USP47: variants seen among roughly 807,000 people sequenced by gnomAD.
USP47 encodes ubiquitin specific peptidase 47, also known as ubiquitin carboxyl-terminal hydrolase 47.
Under a neutral mutation model 165.1 loss-of-function variants are expected in USP47, and 35 were observed. The observed-to-expected ratio is 0.21, with a 90% confidence interval of 0.16 to 0.28. USP47 has a LOEUF of 0.28. USP47 is among the 10% of genes least tolerant of loss of function. USP47 has a pLI of 1.00. For missense variants in USP47, 1,277 were observed against 1,607.4 expected (o/e 0.79, Z 3.52); for synonymous variants, 531 against 544.5 (o/e 0.98, Z 0.35).
chr11:11,935,962 T>C (rs2134726785), intron 16 of USP47, among the ~76,000 whole-genome samples: 1 of 152,118 alleles, frequency 6.6e-6, no homozygotes, highest in African/African-American at 2.4e-5. Flanking sequence ...GTTGTTTTCC[T>C]CTGTGTTTCC....
At chr11:11,938,698 G>A (rs1400726880) in intron 18 of USP47, among the ~76,000 whole-genome samples, 3 of 151,940 alleles carry the variant, frequency 2.0e-5, no homozygotes, top group African/African-American at 4.8e-5. Flanking sequence ...GCAATAAGTC[G>A]AGTTTTTGTT....
intron 16 of USP47, among the ~76,000 whole-genome samples, chr11:11,934,596 G>A (rs1302725371): frequency 6.6e-6 from 1 of 152,126 alleles, no homozygotes; most frequent in East Asian, 1.9e-4. Flanking sequence ...GAGGTGAGGA[G>A]ATGCTTGGCA....
intron 1 of USP47, among the ~76,000 whole-genome samples, chr11:11,845,812 G>A (rs181067348): frequency 1.6e-3 from 244 of 152,260 alleles, no homozygotes; most frequent in Non-Finnish European, 2.9e-3. Context: ...TAAAATCTTT[G>A]TCTTAGAAGA....
chr11:11,877,999 C>T (rs910446624), intron 1 of USP47, among the ~76,000 whole-genome samples: 7 of 151,646 alleles, frequency 4.6e-5, no homozygotes, highest in Non-Finnish European at 1.0e-4. Flanking sequence ...TTTATATGTA[C>T]GGAAAAGAAG....
At position 11,955,180 on chromosome 11, in the gene USP47, T is replaced by C. The variant is rs777685383; in HGVS notation, c.3893+16T>C. 1.9e-6 allele frequency: 3 copies of C among 1,605,474 alleles called. No individual in the cohort carries two copies. Among genetic ancestry groups the C allele is most frequent in the South Asian group, 2.2e-5 (2 of 89,278 alleles). ...TATTTTATAGGTAACATTCACAATGTTTTTGTTGCTGTTAGTAATACATTT... is the reference window on the plus strand; with the variant it reads ...TATTTTATAGGTAACATTCACAATGCTTTTGTTGCTGTTAGTAATACATTT... On this transcript the variant is annotated intron_variant, in intron 27 of 27. Coordinates refer to ENST00000527733, the MANE Select transcript of USP47 (RefSeq NM_001282659.2).
Position 11,902,878 on chromosome 11 carries a change from A to G in USP47, c.739+18A>G. On this transcript the variant is annotated intron_variant, in intron 6 of 27. Transcript: ENST00000527733. Reference sequence around the variant, plus strand: ...TAGTGAGGGTACTAATTCTCTTGTAATGATAAGCGTTCTAATATTCAAACA... The same window carrying G: ...TAGTGAGGGTACTAATTCTCTTGTAGTGATAAGCGTTCTAATATTCAAACA... 6.5e-7 allele frequency: 1 copy of G among 1,539,462 alleles called. No individual in the cohort carries two copies. Among genetic ancestry groups the G allele is most frequent in the Non-Finnish European group, 8.7e-7 (1 of 1,147,926 alleles).
intron 8 of USP47, among the ~76,000 whole-genome samples, chr11:11,912,210 A>G (rs1390138608): frequency 6.6e-6 from 1 of 151,884 alleles, no homozygotes; most frequent in Non-Finnish European, 1.5e-5. Flanking sequence ...GGAAGGACAT[A>G]ATAAAGAAAA....
In USP47 at chr11:11,860,062, C is replaced by T. The variant is rs187286498; in HGVS notation, c.39+17838C>T. On this transcript the variant is annotated intron_variant, in intron 1 of 27. Coordinates refer to ENST00000527733, the MANE Select transcript of USP47 (RefSeq NM_001282659.2). Reference sequence around the variant, plus strand: ...TAGGCTGCAGTGAGCCAAGATCGCGCCACTGCACTCCAGCCTGGGCAACAG... The same window carrying T: ...TAGGCTGCAGTGAGCCAAGATCGCGTCACTGCACTCCAGCCTGGGCAACAG... Among the ~76,000 whole-genome samples, 170 of 150,468 alleles carry T rather than the reference C, an allele frequency of 1.1e-3. 3 individuals carry two copies. In the East Asian group the frequency reaches 0.032, roughly 29 times the overall value.
chr11:11,907,662 C>A (rs774199340), intron 8 of USP47, among the ~76,000 whole-genome samples: 1 of 151,964 alleles, frequency 6.6e-6, no homozygotes, highest in Non-Finnish European at 1.5e-5. Flanking sequence ...TTATGGATTG[C>A]AAAAATCTGG....
chr11:11,858,958 G>T (rs1029001830), intron 1 of USP47, among the ~76,000 whole-genome samples: 25 of 152,148 alleles, frequency 1.6e-4, no homozygotes, highest in African/African-American at 6.0e-4. Flanking sequence ...TGTACCGTTT[G>T]TGCATTCTAG....
At chr11:11,911,903 T>C (rs1043733322) in intron 8 of USP47, among the ~76,000 whole-genome samples, 1 of 152,038 alleles carries the variant, frequency 6.6e-6, no homozygotes, top group Non-Finnish European at 1.5e-5. Flanking sequence ...GTGATTTTTT[T>C]CAACAACAGT....
At chr11:11,866,862 G>C (rs757175009) in intron 1 of USP47, among the ~76,000 whole-genome samples, 8 of 151,406 alleles carry the variant, frequency 5.3e-5, no homozygotes, top group Non-Finnish European at 7.4e-5. Context: ...GTAATCTGTT[G>C]TTCTCTCTGA....
intron 1 of USP47, among the ~76,000 whole-genome samples, chr11:11,860,627 G>A (rs1401363716): frequency 1.3e-5 from 2 of 152,152 alleles, no homozygotes; most frequent in East Asian, 3.9e-4. Context: ...TAAGTAGAAT[G>A]TTCATAACCT....
chr11:11,912,008 T>G (rs1164305161), intron 8 of USP47, among the ~76,000 whole-genome samples: 1 of 152,000 alleles, frequency 6.6e-6, no homozygotes, highest in Non-Finnish European at 1.5e-5. Context: ...AAGGGAAATT[T>G]TAAAAATATT....
intron 3 of USP47, among the ~76,000 whole-genome samples, chr11:11,888,917 G>C (rs891064961): frequency 3.3e-5 from 5 of 151,936 alleles, no homozygotes; most frequent in African/African-American, 1.2e-4. Context: ...CAATAAATGC[G>C]ATTCATCCCA....
intron 1 of USP47, among the ~76,000 whole-genome samples, chr11:11,842,730 C>CT (rs1460401354): frequency 4.0e-5 from 6 of 151,822 alleles, no homozygotes; most frequent in African/African-American, 1.5e-4. Flanking sequence ...CTTGGTAGTA[C>CT]TATTGGCCTG....
In USP47 at chr11:11,853,064, A is replaced by G. The variant is rs184823140; in HGVS notation, c.39+10840A>G. Among the ~76,000 whole-genome samples the G allele has an allele frequency of 2.0e-4, 31 of 152,214 alleles. No individual in the cohort carries two copies. The East Asian group carries it at 6.0e-3, about 29-fold the overall frequency. ...TTTCTCTTTTTTGGATTAGTCATAT[A>G]GATTTTTTGTCTTTTAGTGCCCAGA... On this transcript the variant is annotated intron_variant, in intron 1 of 27. Coordinates refer to ENST00000527733, the MANE Select transcript of USP47 (RefSeq NM_001282659.2).
In USP47 at chr11:11,853,651, T is replaced by C. The variant is rs575758265; in HGVS notation, c.39+11427T>C. ...TTAGGTGTGGAAGTAATAATTGCCCTCTTCTTTCATTTAATGAAACTAAAC... is the reference window on the plus strand; with the variant it reads ...TTAGGTGTGGAAGTAATAATTGCCCCCTTCTTTCATTTAATGAAACTAAAC... On this transcript the variant is annotated intron_variant, in intron 1 of 27. Coordinates refer to ENST00000527733, the MANE Select transcript of USP47 (RefSeq NM_001282659.2). Among the ~76,000 whole-genome samples the C allele has an allele frequency of 1.4e-4, 21 of 152,330 alleles. No individual in the cohort carries two copies. The South Asian group carries it at 4.1e-3, about 30-fold the overall frequency.
At chr11:11,894,906 A>T (rs1214150444) in intron 4 of USP47, among the ~76,000 whole-genome samples, 1 of 149,712 alleles carries the variant, frequency 6.7e-6, no homozygotes, top group Admixed American at 6.6e-5. Context: ...TTTTTATCTT[A>T]TCTTTCCTCT....
Sources: allele counts gnomAD v4.1 joint callset (sites outside exome capture counted in the v4.1 genomes callset), GRCh38; gene constraint gnomAD v4.1.1; transcripts MANE v1.5; gene names NCBI Gene and HGNC (gene_info 2026-07-23, HGNC 2026-07-21).